SIK3: variants seen among roughly 807,000 people sequenced by gnomAD.
SIK3 encodes serine/threonine-protein kinase SIK3.
SIK3 carries 28 observed loss-of-function variants against 144.2 expected under a neutral mutation model. The ratio of observed to expected loss-of-function variants is 0.19; its 90% CI spans 0.14 to 0.27. The LOEUF (loss-of-function observed/expected upper bound fraction) is 0.27. Among genes scored for constraint, SIK3 ranks in the 10% least tolerant of loss-of-function variants. The pLI is 1.00. For missense variants in SIK3, 1,319 were observed against 1,776.0 expected, an observed-to-expected ratio of 0.74 and a Z score of 4.62; for synonymous variants, 686 against 676.3, an observed-to-expected ratio of 1.01 and a Z score of -0.22.
chr11:117,018,292 ACT>A (rs1342140160), intron 1 of SIK3, among the ~76,000 whole-genome samples: 2 of 152,162 alleles, frequency 1.3e-5, no homozygotes, highest in Admixed American at 6.6e-5. Context: ...TGCAGATACC[ACT>A]GTTTTGATCA....
Position 116,847,970 on chromosome 11 carries a change from C to A in SIK3, c.3820-362G>T, listed in dbSNP as rs1037541155. ...CACTCTGCAGTGATGGAAATGTTCT[C>A]TGTCCTGTCCAATATGGTAACCAGT... On this transcript the variant is annotated intron_variant, in intron 22 of 24. Coordinates refer to ENST00000445177, the MANE Select transcript of SIK3 (RefSeq NM_001366686.3). Among the ~76,000 whole-genome samples the A allele has an allele frequency of 4.6e-5, 7 of 152,218 alleles. No individual in the cohort carries two copies. The East Asian group carries it at 1.3e-3, about 29-fold the overall frequency.
intron 1 of SIK3, among the ~76,000 whole-genome samples, chr11:117,039,282 A>AT (rs1041983868): frequency 6.6e-6 from 1 of 152,134 alleles, no homozygotes; most frequent in African/African-American, 2.4e-5. Flanking sequence ...GAAAAAATAT[A>AT]TTTTTTTAAT....
intron 1 of SIK3, among the ~76,000 whole-genome samples, chr11:117,088,593 A>C (rs933208277): frequency 1.3e-5 from 2 of 152,228 alleles, no homozygotes; most frequent in Non-Finnish European, 2.9e-5. Flanking sequence ...TAACAGATTA[A>C]AATTCCGGCC....
chr11:116,951,262 T>G lies in SIK3; in HGVS notation c.454+2782A>C, dbSNP rs376407112. Among the ~76,000 whole-genome samples, 7 of 152,298 alleles carry G rather than the reference T, an allele frequency of 4.6e-5. No homozygotes were observed. The East Asian group carries it at 9.6e-4, about 21-fold the overall frequency. On this transcript the variant is annotated intron_variant, in intron 3 of 24. Transcript: ENST00000445177. ...TTTTCTTGACTAAGCCCCTTTCATC[T>G]TTTTTACACAGACATTTTTAAAAAT...
At chr11:116,963,009 G>A (rs576288584) in intron 1 of SIK3, among the ~76,000 whole-genome samples, 7 of 152,078 alleles carry the variant, frequency 4.6e-5, no homozygotes, top group African/African-American at 7.2e-5. Context: ...GTTAAAGGAC[G>A]TATTCCTTGA....
At chr11:116,976,306 G>A (rs562673300) in intron 1 of SIK3, among the ~76,000 whole-genome samples, 26 of 152,212 alleles carry the variant, frequency 1.7e-4, no homozygotes, top group African/African-American at 5.5e-4. Context: ...AGGTTTGCTC[G>A]TATGTTTTCT....
At chr11:116,933,133 G>A (rs762299154) in intron 3 of SIK3, among the ~76,000 whole-genome samples, 62 of 145,328 alleles carry the variant, frequency 4.3e-4, no homozygotes, top group Non-Finnish European at 7.5e-4. Context: ...TATTAACCTT[G>A]CTCCTTTTTT....
chr11:116,986,106 T>C (rs1048289563), intron 1 of SIK3, among the ~76,000 whole-genome samples: 3 of 152,188 alleles, frequency 2.0e-5, no homozygotes, highest in Non-Finnish European at 2.9e-5. Context: ...TAGCGTTTAC[T>C]TCAGCCCACT....
chr11:116,962,283 C>T lies in SIK3; in HGVS notation c.274-5219G>A, dbSNP rs527533011. On this transcript the variant is annotated intron_variant, in intron 1 of 24. Transcript: ENST00000445177. ...AAATGGACAGTTCAAGAAAGAACTACGTAGGAGGGAAATGCAAAGATCACA... is the reference window on the plus strand; with the variant it reads ...AAATGGACAGTTCAAGAAAGAACTATGTAGGAGGGAAATGCAAAGATCACA... 1.1e-4 allele frequency among the ~76,000 whole-genome samples: 16 copies of T among 152,184 alleles called. No homozygotes were observed. In the Middle Eastern group the frequency reaches 0.01, roughly 97 times the overall value.
chr11:116,957,092 TG>T, intron 1 of SIK3, 28 bp from the exon 2 acceptor site: 1 of 1,331,572 alleles, frequency 7.5e-7, no homozygotes, highest in Non-Finnish European at 1.0e-6. Flanking sequence ...AAAATTACTC[TG>T]ATGCATTATT....
chr11:117,096,780 A>G (rs1339313765), intron 1 of SIK3, among the ~76,000 whole-genome samples: 4 of 152,132 alleles, frequency 2.6e-5, no homozygotes, highest in Admixed American at 2.0e-4. Context: ...GTTGCAAGTG[A>G]TCAGGAGAGA....
At chr11:117,085,094 C>A (rs1444510722) in intron 1 of SIK3, among the ~76,000 whole-genome samples, 1 of 151,586 alleles carries the variant, frequency 6.6e-6, no homozygotes, top group Non-Finnish European at 1.5e-5. Context: ...ATCAATCTTT[C>A]TTTCTTTCTT....
intron 13 of SIK3, among the ~76,000 whole-genome samples, chr11:116,872,862 A>G (rs1944037700): frequency 6.6e-6 from 1 of 152,192 alleles, no homozygotes; most frequent in Non-Finnish European, 1.5e-5. Context: ...TTATGGTACT[A>G]TGAGATTGAA....
chr11:116,920,875 C>A (rs1946929848), intron 4 of SIK3, among the ~76,000 whole-genome samples: 3 of 152,226 alleles, frequency 2.0e-5, no homozygotes, highest in Non-Finnish European at 2.9e-5. Context: ...AACTACAGTA[C>A]TTCTATCATC....
At chr11:117,091,773 TG>T (rs1955259354) in intron 1 of SIK3, among the ~76,000 whole-genome samples, 2 of 152,148 alleles carry the variant, frequency 1.3e-5, no homozygotes, top group Non-Finnish European at 2.9e-5. Context: ...CAGCATGAGT[TG>T]CTGTTTTTCT....
At chr11:116,988,117 A>C (rs905174527) in intron 1 of SIK3, among the ~76,000 whole-genome samples, 1 of 152,180 alleles carries the variant, frequency 6.6e-6, no homozygotes, top group African/African-American at 2.4e-5. Context: ...CCTGGTGCAG[A>C]AAAATGCAGT....
At chr11:117,097,071 A>G (rs989489129) in intron 1 of SIK3, among the ~76,000 whole-genome samples, 5 of 152,230 alleles carry the variant, frequency 3.3e-5, no homozygotes, top group Non-Finnish European at 7.3e-5. Context: ...GGGTTCCACC[A>G]AAACCAAAAG....
chr11:117,058,632 G>C (rs1276334648), intron 1 of SIK3, among the ~76,000 whole-genome samples: 1 of 152,002 alleles, frequency 6.6e-6, no homozygotes, highest in Non-Finnish European at 1.5e-5. Context: ...CTGAAGTGTA[G>C]AATCAGCTGC....
intron 1 of SIK3, among the ~76,000 whole-genome samples, chr11:117,009,530 A>G (rs1289900443): frequency 6.6e-6 from 1 of 151,978 alleles, no homozygotes; most frequent in Non-Finnish European, 1.5e-5. Context: ...GCTGCACTCC[A>G]GCCTGGGTGA....
Sources: gnomAD v4.1 joint callset for allele counts (sites outside exome capture counted in the v4.1 genomes callset) on GRCh38, gnomAD v4.1.1 for gene constraint, MANE v1.5 for transcripts, NCBI Gene and HGNC (gene_info 2026-07-23, HGNC 2026-07-21) for gene names.